SLC30A8: variants seen among roughly 807,000 people sequenced by gnomAD.
SLC30A8 encodes the protein proton-coupled zinc antiporter SLC30A8.
Under a neutral mutation model 36.9 loss-of-function variants are expected in SLC30A8, and 27 were observed. The ratio of observed to expected loss-of-function variants is 0.73; its 90% CI spans 0.54 to 1.01. The LOEUF is 1.01. SLC30A8 is among the 50% of genes least tolerant of loss of function. The pLI, the probability that SLC30A8 is intolerant of heterozygous loss-of-function variation, is 0.00. For missense variants in SLC30A8, 439 were observed against 452.0 expected (o/e 0.97, Z 0.26); for synonymous variants, 164 against 172.4 (o/e 0.95, Z 0.38).
intron 1 of SLC30A8, among the ~76,000 whole-genome samples, chr8:117,141,205 AAGG>A (rs1340058018): frequency 1.3e-5 from 2 of 152,128 alleles, no homozygotes; most frequent in Non-Finnish European, 2.9e-5. Flanking sequence ...GATAGCAAAA[AAGG>A]AGGAAATATC....
At chr8:117,097,157 T>C (rs1161863325) in intron 2 of SLC30A8, among the ~76,000 whole-genome samples, 1 of 151,576 alleles carries the variant, frequency 6.6e-6, no homozygotes. Context: ...TCCAGCACTT[T>C]GGGAGGCCGA....
At chr8:117,101,106 T>C (rs1819696991) in intron 2 of SLC30A8, among the ~76,000 whole-genome samples, 1 of 152,196 alleles carries the variant, frequency 6.6e-6, no homozygotes, top group Non-Finnish European at 1.5e-5. Context: ...TATTATGCTC[T>C]GTTTTCAATT....
rs141358471 is a variant in SLC30A8, at chr8:117,066,077, C to T, written c.-226+26819C>T. 3.4e-3 allele frequency among the ~76,000 whole-genome samples: 525 copies of T among 152,296 alleles called. 9 individuals are homozygous for T. Among genetic ancestry groups the T allele is most frequent in the African/African-American group, 0.012 (500 of 41,558 alleles). ...GGTTTTTTCTTGGCGATAAGGAGAC[C>T]ATCATCTTTCTATCACTTGCTGACC... is the stretch of plus-strand genomic sequence containing the variant. On this transcript the variant is annotated intron_variant, in intron 2 of 10. Transcript: ENST00000427715.
At chr8:117,090,520 T>A (rs918087482) in intron 2 of SLC30A8, among the ~76,000 whole-genome samples, 1 of 152,154 alleles carries the variant, frequency 6.6e-6, no homozygotes, top group Non-Finnish European at 1.5e-5. Context: ...TCTAGTGAGA[T>A]CTTGCTTCCT....
chr8:116,963,211 G>T (rs1024917067), intron 1 of SLC30A8, among the ~76,000 whole-genome samples: 1 of 152,006 alleles, frequency 6.6e-6, no homozygotes, highest in African/African-American at 2.4e-5. Context: ...GCTGTCAATA[G>T]CCCTCTTAGA....
chr8:117,091,662 G>A (rs1176051281), intron 2 of SLC30A8, among the ~76,000 whole-genome samples: 1 of 152,132 alleles, frequency 6.6e-6, no homozygotes, highest in African/African-American at 2.4e-5. Context: ...ACTAGAAATA[G>A]ATGAATAAAA....
chr8:117,136,936 C>T (rs1388346787), intron 1 of SLC30A8, among the ~76,000 whole-genome samples: 1 of 151,990 alleles, frequency 6.6e-6, no homozygotes, highest in Admixed American at 6.6e-5. Flanking sequence ...TAAATTAAAT[C>T]TGGAAGAGAT....
chr8:117,024,448 G>A (rs554973428), intron 1 of SLC30A8, among the ~76,000 whole-genome samples: 12 of 152,192 alleles, frequency 7.9e-5, no homozygotes, highest in East Asian at 3.9e-4. Flanking sequence ...CCTTTTGGGC[G>A]TAATCTCTTC....
At position 117,172,781 on chromosome 8, in the gene SLC30A8, T is replaced by G; in HGVS notation, c.*100T>G. ...GAAAATAAGGAACCAAAGGAAGAAA[T>G]TCATGTCATGGTGCAATGCACATTT... On this transcript the variant is annotated 3_prime_UTR_variant, in exon 8 of 8. Coordinates refer to ENST00000456015, the MANE Select transcript of SLC30A8 (RefSeq NM_173851.3). 3 of 1,401,384 alleles carry G rather than the reference T, an allele frequency of 2.1e-6. No individual in the cohort carries two copies. The highest frequency in any genetic ancestry group is 3.0e-6 in the Non-Finnish European group (3 of 1,010,874). The allele number at this position is 1,401,384 out of a possible 1,614,324, so 86.8% of individuals were successfully genotyped here. A position where few individuals can be genotyped will look rare whatever the true frequency, so the allele number is the denominator to read the frequency against.
intron 2 of SLC30A8, among the ~76,000 whole-genome samples, chr8:117,147,941 A>G (rs535059066): frequency 6.6e-6 from 1 of 151,848 alleles, no homozygotes; most frequent in East Asian, 1.9e-4. Flanking sequence ...TTGTCTCTTA[A>G]TGTCTGTTAC....
At chr8:116,968,194 T>C (rs771474049) in intron 1 of SLC30A8, among the ~76,000 whole-genome samples, 7 of 152,148 alleles carry the variant, frequency 4.6e-5, no homozygotes, top group Non-Finnish European at 1.0e-4. Flanking sequence ...GTAACCACAC[T>C]AATCAGCTGT....
At chr8:117,060,894 TA>T (rs1313038229) in intron 2 of SLC30A8, among the ~76,000 whole-genome samples, 1 of 152,212 alleles carries the variant, frequency 6.6e-6, no homozygotes, top group South Asian at 2.1e-4. Flanking sequence ...ATTTTGGAGA[TA>T]AAAATATTTC....
At chr8:117,019,267 G>A (rs757780701) in intron 1 of SLC30A8, among the ~76,000 whole-genome samples, 3 of 152,168 alleles carry the variant, frequency 2.0e-5, no homozygotes, top group Admixed American at 6.5e-5. Context: ...CTGAATCAAT[G>A]TATATAACAA....
chr8:117,158,455 A>C (rs1563633941), intron 4 of SLC30A8, among the ~76,000 whole-genome samples: 1 of 152,258 alleles, frequency 6.6e-6, no homozygotes, highest in Non-Finnish European at 1.5e-5. Context: ...AGAACTCATA[A>C]AAGGAAATTT....
chr8:117,108,651 T>TAGTG lies in SLC30A8; in HGVS notation c.-225-26627_-225-26624dup, dbSNP rs1820099910. 2.0e-5 allele frequency among the ~76,000 whole-genome samples: 3 copies of TAGTG among 152,308 alleles called. No individual in the cohort carries two copies. In the South Asian group the frequency reaches 6.2e-4, roughly 32 times the overall value. ...AGCCTGCTTCACTCACACGGCTTCT[T>TAGTG]AGTGACAGATAGAGGACTTCACATG... On this transcript the variant is annotated intron_variant, in intron 2 of 10. Transcript: ENST00000427715.
At chr8:116,992,711 G>A (rs1332272148) in intron 1 of SLC30A8, among the ~76,000 whole-genome samples, 1 of 152,124 alleles carries the variant, frequency 6.6e-6, no homozygotes, top group Non-Finnish European at 1.5e-5. Context: ...GAGGCTATGA[G>A]GCTAACATCT....
At chr8:116,954,361 A>G (rs1450844876) in intron 1 of SLC30A8, among the ~76,000 whole-genome samples, 2 of 152,174 alleles carry the variant, frequency 1.3e-5, no homozygotes, top group Admixed American at 6.5e-5. Context: ...GAAATTAACT[A>G]AAACCAAGAG....
intron 6 of SLC30A8, among the ~76,000 whole-genome samples, chr8:117,167,664 A>G (rs1363442645): frequency 6.6e-6 from 1 of 152,070 alleles, no homozygotes; most frequent in Non-Finnish European, 1.5e-5. Flanking sequence ...CACAGCTGTA[A>G]TTACTCCACA....
At chr8:117,107,997 C>A in intron 2 of SLC30A8, among the ~76,000 whole-genome samples, 1 of 152,094 alleles carries the variant, frequency 6.6e-6, no homozygotes, top group East Asian at 1.9e-4. Context: ...ATAAGGTCCC[C>A]AATTTTTTAG....
Sources: gnomAD v4.1 joint callset for allele counts (sites outside exome capture counted in the v4.1 genomes callset) on GRCh38, gnomAD v4.1.1 for gene constraint, MANE v1.5 for transcripts, NCBI Gene and HGNC (gene_info 2026-07-23, HGNC 2026-07-21) for gene names.